The following SFRP4 variants were observed in gnomAD, a reference collection of about 807,000 sequenced individuals.
SFRP4 encodes secreted frizzled-related protein 4.
A neutral mutation model predicts 36.3 loss-of-function variants in SFRP4; 25 were observed. That is an observed-to-expected ratio of 0.69 (90% CI 0.50 to 0.96). The LOEUF (loss-of-function observed/expected upper bound fraction) is 0.96, where lower values mean the gene tolerates loss of function less well. Among genes scored for constraint, SFRP4 ranks in the 40% least tolerant of loss-of-function variants. The pLI is 0.00. For missense variants in SFRP4, 487 were observed against 459.6 expected, an observed-to-expected ratio of 1.06 and a Z score of -0.54; for synonymous variants, 182 against 168.8, an observed-to-expected ratio of 1.08 and a Z score of -0.60.
intron 5 of SFRP4, among the ~76,000 whole-genome samples, chr7:37,908,426 C>G (rs1326498394): frequency 6.6e-6 from 1 of 152,170 alleles, no homozygotes; most frequent in East Asian, 1.9e-4. Context: ...GGGTATTATT[C>G]TAGGCACTAG....
intron 3 of SFRP4, among the ~76,000 whole-genome samples, chr7:37,913,161 A>G (rs573229181): frequency 2.6e-5 from 4 of 152,356 alleles, no homozygotes; most frequent in South Asian, 2.1e-4. Flanking sequence ...TGGTAGCTAC[A>G]TAGAGCAGGC....
intron 4 of SFRP4, 50 bp from the exon 5 acceptor site, chr7:37,909,730 G>C (rs1334794445): frequency 9.6e-7 from 1 of 1,041,968 alleles, no homozygotes; most frequent in East Asian, 2.5e-5. Flanking sequence ...AAAGTAAACA[G>C]CTAAAAATAC....
In SFRP4 at chr7:37,906,128, A is replaced by G. The variant is rs1451379131; in HGVS notation, c.*1351T>C. 6.6e-6 allele frequency: 1 copy of G among 152,226 alleles called. No individual in the cohort carries two copies. Among genetic ancestry groups the G allele is most frequent in the Admixed American group, 6.5e-5 (1 of 15,274 alleles). 9.4% of individuals were successfully genotyped at this position (152,226 alleles called of 1,614,324 possible). A position where few individuals can be genotyped will look rare whatever the true frequency, so the allele number is the denominator to read the frequency against. On this transcript the variant is annotated 3_prime_UTR_variant, in exon 6 of 6. Coordinates refer to ENST00000436072, the MANE Select transcript of SFRP4 (RefSeq NM_003014.4). ...AGGAGGCAGGTTATGAAACACATGT[A>G]TAGCAGGTTCCTAGTTTTATTTGTT...
At chr7:37,914,721 C>G (rs1488847783) in intron 1 of SFRP4, among the ~76,000 whole-genome samples, 1 of 152,056 alleles carries the variant, frequency 6.6e-6, no homozygotes, top group African/African-American at 2.4e-5. Context: ...AAAAATTAGC[C>G]AGGCATGGTG....
intron 4 of SFRP4, chr7:37,909,887 T>C (rs1020569212): frequency 3.9e-5 from 13 of 332,538 alleles, no homozygotes; most frequent in Non-Finnish European, 7.1e-5. Flanking sequence ...GATGATCTGC[T>C]GATCTGCAAA....
At chr7:37,912,371 G>A in intron 3 of SFRP4, 54 bp from the exon 4 acceptor site, 1 of 1,431,474 alleles carries the variant, frequency 7.0e-7, no homozygotes, top group Non-Finnish European at 9.8e-7. Flanking sequence ...GAAAAACTAG[G>A]GATGGTGTAT....
Position 37,910,124 on chromosome 7 carries a change from A to G in SFRP4, c.792-444T>C, listed in dbSNP as rs549830862. Among the ~76,000 whole-genome samples the G allele has an allele frequency of 5.9e-5, 9 of 152,108 alleles. No homozygotes were observed. In the East Asian group the frequency reaches 1.5e-3, roughly 26 times the overall value. On this transcript the variant is annotated intron_variant, in intron 4 of 5. Transcript: ENST00000436072. ...TTATTTTCTTAGGACAGATTTTTAA[A>G]ATAGAATAACTGAGTTAAAGGGTAT...
At position 37,910,115 on chromosome 7, in the gene SFRP4, G is replaced by C. The variant is rs533664329; in HGVS notation, c.792-435C>G. 2.6e-5 allele frequency among the ~76,000 whole-genome samples: 4 copies of C among 151,974 alleles called. No homozygotes were observed. In the East Asian group the frequency reaches 5.8e-4, roughly 22 times the overall value. On this transcript the variant is annotated intron_variant, in intron 4 of 5. Coordinates refer to ENST00000436072, the MANE Select transcript of SFRP4 (RefSeq NM_003014.4). ...ACTGGCTTATTATTTTCTTAGGACA[G>C]ATTTTTAAAATAGAATAACTGAGTT...
intron 1 of SFRP4, among the ~76,000 whole-genome samples, chr7:37,915,552 T>A (rs1349395): frequency 0.98 from 150,061 of 152,358 alleles, 73,942 homozygotes; most frequent in East Asian, 1. Flanking sequence ...AAAATGCCAC[T>A]GTAGTTGGCT....
chr7:37,916,580 C>T lies in SFRP4; in HGVS notation c.-43G>A, dbSNP rs1785584167. ...CTGCGACCCCGGCAGACAGAAAGCG[C>T]CCTTCTCTTCCTGCCACCCTCATCT... On this transcript the variant is annotated 5_prime_UTR_variant, in exon 1 of 6. Transcript: ENST00000436072. This position sits in a 1 kb window ranked among gnomAD's most constrained non-coding sequence, Gnocchi z 4.1. 3.8e-6 allele frequency: 6 copies of T among 1,576,620 alleles called. No homozygotes were observed. In the Admixed American group the frequency reaches 5.2e-5, roughly 14 times the overall value.
intron 4 of SFRP4, among the ~76,000 whole-genome samples, chr7:37,911,431 A>G (rs1199151985): frequency 6.6e-6 from 1 of 152,200 alleles, no homozygotes; most frequent in African/African-American, 2.4e-5. Context: ...ATGGGGCCCA[A>G]CATGGAGGCT....
intron 1 of SFRP4, among the ~76,000 whole-genome samples, chr7:37,915,766 G>C (rs1306442670): frequency 6.6e-6 from 1 of 152,116 alleles, no homozygotes. Flanking sequence ...CGTGTAATGT[G>C]TTTAACACTT....
At chr7:37,914,174 CCAAGTCT>C (rs1215421534) in intron 3 of SFRP4, 32 bp downstream of exon 3, 3 of 1,497,172 alleles carry the variant, frequency 2.0e-6, no homozygotes, top group Non-Finnish European at 2.8e-6. Flanking sequence ...TTGTAATGAA[CCAAGTCT>C]CAAAAGTAAA....
Position 37,906,149 on chromosome 7 carries a change from T to C in SFRP4, c.*1330A>G, listed in dbSNP as rs1249975333. On this transcript the variant is annotated 3_prime_UTR_variant, in exon 6 of 6. Transcript: ENST00000436072. ...ATGTATAGCAGGTTCCTAGTTTTAT[T>C]TGTTCAAATCATTTTATAAGTGCAT... The C allele has an allele frequency of 2.6e-5, 4 of 152,156 alleles. No individual in the cohort carries two copies. The highest frequency in any genetic ancestry group is 9.7e-5 in the African/African-American group (4 of 41,446). 9.4% of individuals were successfully genotyped at this position (152,156 alleles called of 1,614,324 possible). A position where few individuals can be genotyped will look rare whatever the true frequency, so the allele number is the denominator to read the frequency against.
At chr7:37,911,238 C>G (rs750197414) in intron 4 of SFRP4, among the ~76,000 whole-genome samples, 5 of 152,176 alleles carry the variant, frequency 3.3e-5, no homozygotes, top group Non-Finnish European at 7.4e-5. Context: ...GGAGGGCACC[C>G]AAGTACTGAT....
At chr7:37,915,636 G>A (rs1445027517) in intron 1 of SFRP4, among the ~76,000 whole-genome samples, 1 of 150,520 alleles carries the variant, frequency 6.6e-6, no homozygotes, top group Non-Finnish European at 1.5e-5. Flanking sequence ...CTCCTGGTGG[G>A]AAGCAATGAC....
At chr7:37,915,973 T>G in intron 1 of SFRP4, 120 bp downstream of exon 1, 1 of 1,424,726 alleles carries the variant, frequency 7.0e-7, no homozygotes, top group Non-Finnish European at 9.3e-7. Context: ...CCCCATTCTT[T>G]CCCACCTCCT....
chr7:37,915,949 G>T, intron 1 of SFRP4, 144 bp downstream of exon 1: 1 of 1,273,920 alleles, frequency 7.8e-7, no homozygotes, highest in Non-Finnish European at 1.1e-6. Context: ...GACTTTTTCT[G>T]AAGAAAATGT....
chr7:37,912,410 G>T (rs1785508812), intron 3 of SFRP4, 93 bp from the exon 4 acceptor site: 2 of 974,952 alleles, frequency 2.1e-6, no homozygotes, highest in Admixed American at 2.1e-5. Context: ...CTCTCTTAAA[G>T]AATCACTCCT....
Sources: gnomAD v4.1 joint callset for allele counts (sites outside exome capture counted in the v4.1 genomes callset) on GRCh38, gnomAD v4.1.1 for gene constraint, Gnocchi (gnomAD v3.1) non-coding constraint, MANE v1.5 for transcripts, NCBI Gene and HGNC (gene_info 2026-07-23, HGNC 2026-07-21) for gene names.